PCSK9: variants seen among roughly 807,000 people sequenced by gnomAD.
PCSK9 encodes the protein convertase subtilisin/kexin type 9 preproprotein.
A neutral mutation model predicts 62.1 loss-of-function variants in PCSK9; 57 were observed. The ratio of observed to expected loss-of-function variants is 0.92; its 90% CI spans 0.74 to 1.14. The LOEUF (loss-of-function observed/expected upper bound fraction) is 1.14, where lower values mean the gene tolerates loss of function less well. PCSK9 is among the 50% of genes most tolerant of loss of function. PCSK9 has a pLI of 0.00. For missense variants in PCSK9, 870 were observed against 959.8 expected, an observed-to-expected ratio of 0.91 and a Z score of 1.24; for synonymous variants, 387 against 409.4, an observed-to-expected ratio of 0.95 and a Z score of 0.66.
chr1:55,056,229 GC>G (rs1229526160), intron 6 of PCSK9, 40 bp downstream of exon 6: 2 of 9,394 alleles, frequency 2.1e-4, no homozygotes, highest in Non-Finnish European at 2.7e-4. Context: ...CGGGTAGGGG[GC>G]GGAGGGCGGA....
Position 55,056,060 on chromosome 1 carries a change from G to A in PCSK9, c.867G>A (p.Leu289=), listed in dbSNP as rs1286556321. 4 of 1,607,144 alleles carry A rather than the reference G, an allele frequency of 2.5e-6. No individual in the cohort carries two copies. Among genetic ancestry groups the A allele is most frequent in the South Asian group, 1.1e-5 (1 of 90,402 alleles). The change falls in exon 6 of 12, where the codon CTG becomes CTA. Residue 289 remains leucine, a synonymous_variant. Transcript: ENST00000302118. ...GGCCACTGGTGGTGCTGCTGCCCCT[G>A]GCGGGTGGGTACAGCCGCGTCCTCA... The part of the protein sequence containing the change: ...PVGPLVVLLP[L]AGGYSRVLNA...
chr1:55,045,478 G>A (rs1007670008), intron 2 of PCSK9, among the ~76,000 whole-genome samples: 1 of 152,180 alleles, frequency 6.6e-6, no homozygotes, highest in Non-Finnish European at 1.5e-5. Flanking sequence ...GTGGGGGCAG[G>A]TTAAGAAGCC....
In PCSK9 at chr1:55,049,112, G is replaced by A. The variant is rs372154758; in HGVS notation, c.523+2466G>A. On this transcript the variant is annotated intron_variant, in intron 3 of 11. Transcript: ENST00000302118. The stretch of plus-strand genomic sequence containing the variant: ...TCTGAAGGAGTGCAGGCAGCTGCGA[G>A]CCTGTGTATCCAGCAGAAGGATCAG... Among the ~76,000 whole-genome samples the A allele has an allele frequency of 4.6e-5, 7 of 152,370 alleles. No individual in the cohort carries two copies. The South Asian group carries it at 6.2e-4, about 14-fold the overall frequency.
At position 55,040,171 on chromosome 1, in the gene PCSK9, C is replaced by T. The variant is rs971529606; in HGVS notation, c.207+127C>T. ...GGAGTGCAGGTCGCCGAGGGCTCTT[C>T]GCTTGGCACGATCTTGGGGACTGCA... On this transcript the variant is annotated intron_variant, in intron 1 of 11. Coordinates refer to ENST00000302118, the MANE Select transcript of PCSK9 (RefSeq NM_174936.4). The surrounding 1 kb of genome is among the most constrained non-coding windows in gnomAD (Gnocchi z 4.1). The T allele has an allele frequency of 1.0e-5, 13 of 1,274,214 alleles. No individual in the cohort carries two copies. The African/African-American group carries it at 1.6e-4, about 16-fold the overall frequency. 78.9% of individuals were successfully genotyped at this position (1,274,214 alleles called of 1,614,324 possible).
At chr1:55,055,936 G>T (rs866792072) in intron 5 of PCSK9, 57 bp from the exon 6 acceptor site, 6 of 1,496,204 alleles carry the variant, frequency 4.0e-6, no homozygotes, top group Non-Finnish European at 5.5e-6. Context: ...GTAAGGGAGG[G>T]GCTGGGAAAG....
rs142149050 is a variant in PCSK9 at position 55,057,196 on chromosome 1, C to T, written c.997-135C>T. ...GTTCTGCCTGGGCAGTCAGATTTTC[C>T]TTAGGAGGGGACATTTGAGTGGGAC... On this transcript the variant is annotated intron_variant, in intron 6 of 11. Coordinates refer to ENST00000302118, the MANE Select transcript of PCSK9 (RefSeq NM_174936.4). 1,559 of 1,158,722 alleles carry T rather than the reference C, an allele frequency of 1.3e-3. 6 individuals carry two copies. In the African/African-American group the frequency reaches 0.015, roughly 11 times the overall value. 71.8% of individuals were successfully genotyped at this position (1,158,722 alleles called of 1,614,324 possible).
At position 55,059,466 on chromosome 1, in the gene PCSK9, T is replaced by C. The variant is rs776510126; in HGVS notation, c.1504-20T>C. 1 of 1,555,616 alleles carries C rather than the reference T, an allele frequency of 6.4e-7. No individual in the cohort carries two copies. Among genetic ancestry groups the C allele is most frequent in the South Asian group, 1.2e-5 (1 of 84,336 alleles). On this transcript the variant is annotated intron_variant, in intron 9 of 11. Coordinates refer to ENST00000302118, the MANE Select transcript of PCSK9 (RefSeq NM_174936.4). ...AAGCCCATTCTAAAGCAGATTCCCA[T>C]TTCCGTCTTTGACTCTAAGGCCCAA...
At chr1:55,052,916 G>A in intron 5 of PCSK9, 125 bp downstream of exon 5, 1 of 1,498,272 alleles carries the variant, frequency 6.7e-7, no homozygotes, top group Non-Finnish European at 9.1e-7. Context: ...CTGCCGCAGA[G>A]CCAGAGAACC....
chr1:55,056,868 T>C (rs1038804171), intron 6 of PCSK9, among the ~76,000 whole-genome samples: 17 of 152,204 alleles, frequency 1.1e-4, no homozygotes, highest in South Asian at 2.1e-4. Context: ...TGTGTGTGCG[T>C]GCGCGCGCGC....
At chr1:55,054,455 C>G (rs1349317458) in intron 5 of PCSK9, among the ~76,000 whole-genome samples, 1 of 152,214 alleles carries the variant, frequency 6.6e-6, no homozygotes, top group African/African-American at 2.4e-5. Flanking sequence ...CAGTGCCACT[C>G]CACTCCCTCC....
intron 4 of PCSK9, 56 bp downstream of exon 4, chr1:55,052,467 G>A (rs750617125): frequency 7.0e-5 from 113 of 1,612,446 alleles, no homozygotes; most frequent in Non-Finnish European, 7.2e-5. Flanking sequence ...CATCCTGGAG[G>A]TGGGTGGGGA....
chr1:55,042,023 T>C (rs1215945808), intron 1 of PCSK9, among the ~76,000 whole-genome samples: 1 of 152,166 alleles, frequency 6.6e-6, no homozygotes, highest in East Asian at 1.9e-4. Flanking sequence ...CTCAGCTCAC[T>C]GCAACATCTG....
At position 55,056,230 on chromosome 1, in the gene PCSK9, CGGAGGGCGGAGGGCGGAG is replaced by C. The variant is rs1268457767; in HGVS notation, c.996+51_996+68del. 4.8e-3 allele frequency: 15 copies of C among 3,156 alleles called. No individual in the cohort carries two copies. The East Asian group carries it at 0.19, about 40-fold the overall frequency. The allele number at this position is 3,156 out of a possible 1,614,324, so 0.2% of individuals were successfully genotyped here. On this transcript the variant is annotated intron_variant, in intron 6 of 11. Coordinates refer to ENST00000302118, the MANE Select transcript of PCSK9 (RefSeq NM_174936.4). ...GCTGCCCCAAGGCGCGGGTAGGGGG[CGGAGGGCGGAGGGCGGAG>C]GGAGGGCGGGCGGGCAGGCGGGCTT...
chr1:55,052,214 GTGT>G, intron 3 of PCSK9, 61 bp from the exon 4 acceptor site: 1 of 1,607,754 alleles, frequency 6.2e-7, no homozygotes, highest in Non-Finnish European at 8.5e-7. Context: ...TAGTTTCTGT[GTGT>G]TAACTATAAG....
At position 55,063,559 on chromosome 1, in the gene PCSK9, CGCA is replaced by C; in HGVS notation, c.2056_2058del (p.Gln686del). The C allele has an allele frequency of 6.2e-7, 1 of 1,612,536 alleles. No individual in the cohort carries two copies. The highest frequency in any genetic ancestry group is 8.5e-7 in the Non-Finnish European group (1 of 1,179,864). ...ATCTGCTGCCGGAGCCGGCACCTGG[CGCA>C]GGCCTCCCAGGAGCTCCAGTGACAG... is the stretch of plus-strand genomic sequence containing the variant. On this transcript the variant is annotated inframe_deletion, in exon 12 of 12. Coordinates refer to ENST00000302118, the MANE Select transcript of PCSK9 (RefSeq NM_174936.4).
intron 6 of PCSK9, among the ~76,000 whole-genome samples, chr1:55,056,534 C>T (rs991999422): frequency 7.9e-5 from 12 of 152,228 alleles, no homozygotes; most frequent in African/African-American, 2.9e-4. Context: ...TCTCCATCCC[C>T]AGGCCCTGCG....
rs1219506651 is a variant in PCSK9, at chr1:55,048,175, C to T, written c.523+1529C>T. On this transcript the variant is annotated intron_variant, in intron 3 of 11. Coordinates refer to ENST00000302118, the MANE Select transcript of PCSK9 (RefSeq NM_174936.4). ...AGGGAGAAGCTTCTCTTGCCTCTTC[C>T]GTGTCCCAACAGCGGCAGCACACCA... Among the ~76,000 whole-genome samples the T allele has an allele frequency of 2.0e-5, 3 of 152,138 alleles. No individual in the cohort carries two copies. In the South Asian group the frequency reaches 6.2e-4, roughly 32 times the overall value.
intron 5 of PCSK9, among the ~76,000 whole-genome samples, chr1:55,055,419 G>A (rs544407153): frequency 2.4e-4 from 36 of 152,234 alleles, no homozygotes; most frequent in African/African-American, 8.7e-4. Context: ...AGGTTATTGT[G>A]AGGATCCCCT....
chr1:55,044,936 G>A (rs1332360972), intron 2 of PCSK9, among the ~76,000 whole-genome samples: 2 of 152,160 alleles, frequency 1.3e-5, no homozygotes, highest in Admixed American at 1.3e-4. Context: ...TTGGAAACCC[G>A]TAGTCTAAGT....
Sources: gnomAD v4.1 joint callset for allele counts (sites outside exome capture counted in the v4.1 genomes callset) on GRCh38, gnomAD v4.1.1 for gene constraint, Gnocchi (gnomAD v3.1) non-coding constraint, MANE v1.5 for transcripts, NCBI Gene and HGNC (gene_info 2026-07-23, HGNC 2026-07-21) for gene names.